PPARG: variants seen among roughly 807,000 people sequenced by gnomAD.
The protein encoded by PPARG is peroxisome proliferator-activated receptor gamma.
PPARG carries 17 observed loss-of-function variants against 39.2 expected under a neutral mutation model. The ratio of observed to expected loss-of-function variants is 0.43; its 90% CI spans 0.30 to 0.65. The LOEUF (loss-of-function observed/expected upper bound fraction) is 0.65, where lower values mean the gene tolerates loss of function less well. PPARG is among the 30% of genes least tolerant of loss of function. The probability of loss-of-function intolerance (pLI) is 0.13; values close to 1 mark genes in which losing one functional copy is unlikely to be tolerated. For missense variants in PPARG, 406 were observed against 585.9 expected, an observed-to-expected ratio of 0.69 and a Z score of 3.17; for synonymous variants, 223 against 215.7, an observed-to-expected ratio of 1.03 and a Z score of -0.30.
chr3:12,368,332 C>T (rs1404353225), intron 2 of PPARG, among the ~76,000 whole-genome samples: 2 of 151,966 alleles, frequency 1.3e-5, no homozygotes, highest in Non-Finnish European at 2.9e-5. Context: ...CAGGCCTGCG[C>T]CACCACGCCC....
At chr3:12,427,120 G>A (rs759963099) in intron 7 of PPARG, among the ~76,000 whole-genome samples, 4 of 144,664 alleles carry the variant, frequency 2.8e-5, no homozygotes, top group Non-Finnish European at 6.1e-5. Flanking sequence ...AATATTAAGA[G>A]GACACATGTA....
At chr3:12,346,304 A>G (rs930132252) in intron 2 of PPARG, among the ~76,000 whole-genome samples, 11 of 152,266 alleles carry the variant, frequency 7.2e-5, no homozygotes, top group African/African-American at 2.4e-4. Context: ...TGAAAAGGAA[A>G]TAGTAACTCA....
intron 2 of PPARG, among the ~76,000 whole-genome samples, chr3:12,340,563 C>T (rs1163829352): frequency 4.6e-5 from 7 of 152,010 alleles, no homozygotes; most frequent in Non-Finnish European, 1.0e-4. Flanking sequence ...AAATAGAGGC[C>T]GTGTTTTTAA....
intron 7 of PPARG, among the ~76,000 whole-genome samples, chr3:12,423,464 A>T (rs2051330084): frequency 6.6e-6 from 1 of 152,174 alleles, no homozygotes; most frequent in Non-Finnish European, 1.5e-5. Context: ...GACTGTTCCC[A>T]GCTCTAAAAT....
chr3:12,379,957 G>C (rs770221268), intron 3 of PPARG, 26 bp downstream of exon 3: 4 of 1,534,700 alleles, frequency 2.6e-6, no homozygotes, highest in African/African-American at 1.4e-5. Context: ...TCACTTTTCA[G>C]ACTACTAGGA....
intron 2 of PPARG, among the ~76,000 whole-genome samples, chr3:12,336,158 A>T (rs572739202): frequency 3.3e-4 from 50 of 152,210 alleles, no homozygotes; most frequent in Non-Finnish European, 6.8e-4. Flanking sequence ...GGAAAATGAT[A>T]CTCCAGTTGA....
chr3:12,423,350 G>A (rs762025645), intron 7 of PPARG, among the ~76,000 whole-genome samples: 2 of 152,184 alleles, frequency 1.3e-5, no homozygotes, highest in Non-Finnish European at 2.9e-5. Context: ...ACTCATTCCA[G>A]CTCACAGAAC....
chr3:12,330,721 T>C (rs2047834595), intron 2 of PPARG, among the ~76,000 whole-genome samples: 1 of 152,222 alleles, frequency 6.6e-6, no homozygotes, highest in Non-Finnish European at 1.5e-5. Flanking sequence ...TGGAATTCCT[T>C]GTACTCTCTC....
intron 2 of PPARG, among the ~76,000 whole-genome samples, chr3:12,360,312 T>C (rs996005404): frequency 6.6e-6 from 1 of 152,076 alleles, no homozygotes; most frequent in Non-Finnish European, 1.5e-5. Context: ...TGGCTGGCCT[T>C]AATACTGTTT....
intron 5 of PPARG, among the ~76,000 whole-genome samples, chr3:12,401,204 C>G (rs2125240045): frequency 1.3e-5 from 2 of 152,316 alleles, no homozygotes; most frequent in South Asian, 4.1e-4. Flanking sequence ...TCTTGGTTGT[C>G]AGATTCTCCA....
chr3:12,368,330 C>T (rs1003352786), intron 2 of PPARG, among the ~76,000 whole-genome samples: 14 of 151,670 alleles, frequency 9.2e-5, no homozygotes, highest in African/African-American at 2.7e-4. Flanking sequence ...TACAGGCCTG[C>T]GCCACCACGC....
chr3:12,312,509 A>G (rs1325294372), intron 2 of PPARG, 56 bp downstream of exon 2: 1 of 152,230 alleles, frequency 6.6e-6, no homozygotes, highest in Non-Finnish European at 1.5e-5. Context: ...CCTTTTAAAG[A>G]ATATGTAAAT....
intron 2 of PPARG, among the ~76,000 whole-genome samples, chr3:12,331,603 A>T (rs1202837222): frequency 1.3e-5 from 2 of 152,206 alleles, no homozygotes; most frequent in Non-Finnish European, 2.9e-5. Flanking sequence ...AGGATGGCAG[A>T]CAGGACGCCA....
intron 5 of PPARG, among the ~76,000 whole-genome samples, chr3:12,402,179 T>G (rs1421954866): frequency 6.6e-6 from 1 of 152,232 alleles, no homozygotes; most frequent in African/African-American, 2.4e-5. Flanking sequence ...CATTCAACAA[T>G]TATTCCTTGA....
intron 2 of PPARG, among the ~76,000 whole-genome samples, chr3:12,319,979 G>C (rs994878893): frequency 1.3e-5 from 2 of 152,142 alleles, no homozygotes; most frequent in South Asian, 2.1e-4. Flanking sequence ...AAAATAGAAA[G>C]AGGTTGAGTA....
intron 7 of PPARG, among the ~76,000 whole-genome samples, chr3:12,426,206 G>T (rs1383445638): frequency 2.0e-5 from 3 of 152,206 alleles, no homozygotes; most frequent in African/African-American, 7.2e-5. Flanking sequence ...GGCATAGATA[G>T]GGGAAGCAAT....
At chr3:12,431,113 A>C (rs937132805) in intron 7 of PPARG, among the ~76,000 whole-genome samples, 1 of 152,194 alleles carries the variant, frequency 6.6e-6, no homozygotes, top group African/African-American at 2.4e-5. Flanking sequence ...TGATCAAGTG[A>C]ATGTTCTGTC....
intron 2 of PPARG, among the ~76,000 whole-genome samples, chr3:12,333,661 C>G (rs1290708210): frequency 6.6e-6 from 1 of 152,110 alleles, no homozygotes; most frequent in East Asian, 1.9e-4. Flanking sequence ...TCACTCTCCC[C>G]CATCATGCTT....
At chr3:12,318,372 T>C (rs899076417) in intron 2 of PPARG, among the ~76,000 whole-genome samples, 7 of 152,206 alleles carry the variant, frequency 4.6e-5, no homozygotes, top group African/African-American at 1.7e-4. Context: ...TGCTAGTTAT[T>C]AGGAAGAAAT....
Sources: gnomAD v4.1 joint callset for allele counts (sites outside exome capture counted in the v4.1 genomes callset) on GRCh38, gnomAD v4.1.1 for gene constraint, MANE v1.5 for transcripts, NCBI Gene and HGNC (gene_info 2026-07-23, HGNC 2026-07-21) for gene names.